The following PPP1R10 variants were observed in gnomAD, a reference collection of about 807,000 sequenced individuals.
PPP1R10 encodes protein phosphatase 1 regulatory subunit 10.
Under a neutral mutation model 99.0 loss-of-function variants are expected in PPP1R10, and 15 were observed. The ratio of observed to expected loss-of-function variants is 0.15; its 90% CI spans 0.10 to 0.23. PPP1R10 has a LOEUF of 0.23. Ranked by LOEUF, PPP1R10 falls within the 10% of genes least tolerant of loss-of-function variation. The pLI is 1.00. For synonymous variants in PPP1R10, 430 were observed against 449.5 expected (o/e 0.96, Z 0.55); for missense variants, 947 against 1,259.4 (o/e 0.75, Z 3.75).
intron 2 of PPP1R10, among the ~76,000 whole-genome samples, chr6:30,610,190 G>A (rs555184901): frequency 2.6e-5 from 4 of 152,158 alleles, no homozygotes; most frequent in Non-Finnish European, 5.9e-5. Flanking sequence ...AAAGCAATTC[G>A]ATTGGAGGAG....
rs1803791500 is a variant in PPP1R10 at position 30,605,100 on chromosome 6, AAAAG to A, written c.854-10_854-7del. ...AAAGCCCAGGCCCTCCATAGCTACA[AAAAG>A]AAAGAGCACCAAATGGCATCATCAG... On this transcript the variant is annotated splice_polypyrimidine_tract_variant and splice_region_variant and intron_variant, in intron 10 of 19. Coordinates refer to ENST00000376511, the MANE Select transcript of PPP1R10 (RefSeq NM_002714.4). 2 of 1,611,782 alleles carry A rather than the reference AAAAG, an allele frequency of 1.2e-6. No individual in the cohort carries two copies. Among genetic ancestry groups the A allele is most frequent in the Non-Finnish European group, 1.7e-6 (2 of 1,179,152 alleles).
Position 30,600,996 on chromosome 6 carries a change from G to GGGGGA in PPP1R10, c.*548_*552dup, listed in dbSNP as rs767421599. 1 of 153,220 alleles carries GGGGGA rather than the reference G, an allele frequency of 6.5e-6. No homozygotes were observed. Among genetic ancestry groups the GGGGGA allele is most frequent in the Non-Finnish European group, 1.5e-5 (1 of 68,464 alleles). The allele number at this position is 153,220 out of a possible 1,614,324, so 9.5% of individuals were successfully genotyped here. Reference sequence around the variant, plus strand: ...GGACTAAGAATGGTGAGCCCACGCTGGGGGAGGGGTGGGGATGATGTGTGT... The same window carrying GGGGGA: ...GGACTAAGAATGGTGAGCCCACGCTGGGGGAGGGGAGGGGTGGGGATGATGTGTGT... On this transcript the variant is annotated 3_prime_UTR_variant, in exon 20 of 20. Coordinates refer to ENST00000376511, the MANE Select transcript of PPP1R10 (RefSeq NM_002714.4).
rs1340471696 is a variant in PPP1R10 at position 30,604,961 on chromosome 6, C to CT, written c.954+32dup. 1 of 1,599,568 alleles carries CT rather than the reference C, an allele frequency of 6.3e-7. No individual in the cohort carries two copies. The highest frequency in any genetic ancestry group is 1.1e-5 in the South Asian group (1 of 90,794). On this transcript the variant is annotated intron_variant, in intron 11 of 19. Coordinates refer to ENST00000376511, the MANE Select transcript of PPP1R10 (RefSeq NM_002714.4). The surrounding 1 kb of genome is among the most constrained non-coding windows in gnomAD (Gnocchi z 7.3). ...TTTCTTCTACTTTACCTTTTATACTCTGTCACTGAAACCTACTTCTGGGAG... is the reference window on the plus strand; with the variant it reads ...TTTCTTCTACTTTACCTTTTATACTCTTGTCACTGAAACCTACTTCTGGGAG...
Position 30,606,307 on chromosome 6 carries a change from G to C in PPP1R10, c.635-64C>G. On this transcript the variant is annotated intron_variant, in intron 8 of 19. Coordinates refer to ENST00000376511, the MANE Select transcript of PPP1R10 (RefSeq NM_002714.4). This position sits in a 1 kb window ranked among gnomAD's most constrained non-coding sequence, Gnocchi z 6.3. The stretch of plus-strand genomic sequence containing the variant: ...CCCCAGACCCCCGAATTTTCCTCCC[G>C]TTCTCACCCGCAAATGTTCTTCTAG... The C allele has an allele frequency of 6.3e-7, 1 of 1,582,856 alleles. No individual in the cohort carries two copies. Among genetic ancestry groups the C allele is most frequent in the Non-Finnish European group, 8.6e-7 (1 of 1,157,438 alleles).
chr6:30,604,897 T>G lies in PPP1R10; in HGVS notation c.954+97A>C, dbSNP rs765318146. On this transcript the variant is annotated intron_variant, in intron 11 of 19. Transcript: ENST00000376511. This position sits in a 1 kb window ranked among gnomAD's most constrained non-coding sequence, Gnocchi z 7.3. Reference sequence around the variant, plus strand: ...CAGTCTATATCCAAGGCAAAACGCCTCTTGTTGTCCTCCCCGACAACTCCT... The same window carrying G: ...CAGTCTATATCCAAGGCAAAACGCCGCTTGTTGTCCTCCCCGACAACTCCT... 6.6e-7 allele frequency: 1 copy of G among 1,515,634 alleles called. No homozygotes were observed. Among genetic ancestry groups the G allele is most frequent in the African/African-American group, 1.4e-5 (1 of 72,918 alleles). The allele number at this position is 1,515,634 out of a possible 1,614,324, so 93.9% of individuals were successfully genotyped here.
chr6:30,612,276 C>T (rs1436229935), intron 2 of PPP1R10, among the ~76,000 whole-genome samples: 2 of 152,108 alleles, frequency 1.3e-5, no homozygotes, highest in Non-Finnish European at 2.9e-5. Flanking sequence ...TTTTGCATAT[C>T]CAACTACAAG....
In PPP1R10 at chr6:30,616,915, G is replaced by C. The variant is rs960889732; in HGVS notation, c.-449C>G. The C allele has an allele frequency of 4.6e-5, 7 of 152,234 alleles. No individual in the cohort carries two copies. The highest frequency in any genetic ancestry group is 1.7e-4 in the African/African-American group (7 of 41,410). The allele number at this position is 152,234 out of a possible 1,614,324, so 9.4% of individuals were successfully genotyped here. Reference sequence around the variant, plus strand: ...GTTTTCCCTTTCCCCCCTCTCTCAGGATCCTTTCAAGGGCTTAGATGTTGC... The same window carrying C: ...GTTTTCCCTTTCCCCCCTCTCTCAGCATCCTTTCAAGGGCTTAGATGTTGC... On this transcript the variant is annotated 5_prime_UTR_variant, in exon 2 of 20. In the 5' UTR this introduces an upstream ATG that the reference lacks. Coordinates refer to ENST00000376511, the MANE Select transcript of PPP1R10 (RefSeq NM_002714.4).
At chr6:30,601,721 C>T (rs1803335681) in intron 19 of PPP1R10, 63 bp from the exon 20 acceptor site, 1 of 1,464,930 alleles carries the variant, frequency 6.8e-7, no homozygotes, top group Admixed American at 1.8e-5. Context: ...ACCCTCACCA[C>T]CCCTTGTCCA....
At chr6:30,613,866 AAAAAC>A (rs765019995) in intron 2 of PPP1R10, among the ~76,000 whole-genome samples, 74 of 151,766 alleles carry the variant, frequency 4.9e-4, no homozygotes, top group African/African-American at 1.2e-3. Context: ...CTTAAAAGAA[AAAAAC>A]AAAACAAAAC....
At chr6:30,617,031 T>G (rs187294105) in intron 1 of PPP1R10, 33 bp from the exon 2 acceptor site, 1 of 152,388 alleles carries the variant, frequency 6.6e-6, no homozygotes, top group Admixed American at 6.5e-5. Flanking sequence ...GAGAAAGATG[T>G]AATCAGTACG....
intron 2 of PPP1R10, among the ~76,000 whole-genome samples, chr6:30,615,813 G>A (rs1041336441): frequency 2.6e-5 from 4 of 151,898 alleles, no homozygotes; most frequent in Admixed American, 6.6e-5. Context: ...GTATGTACTG[G>A]CACTAAGATT....
Position 30,601,524 on chromosome 6 carries a change from T to C in PPP1R10, c.*25A>G, listed in dbSNP as rs914623253. On this transcript the variant is annotated 3_prime_UTR_variant, in exon 20 of 20. Transcript: ENST00000376511. ...GCGAGGCTGCAGTCCACAGGGGTTG[T>C]GTGAACAGGGCAGGCAAATGGTCCC... 2 of 1,594,352 alleles carry C rather than the reference T, an allele frequency of 1.3e-6. No homozygotes were observed. Among genetic ancestry groups the C allele is most frequent in the Non-Finnish European group, 1.7e-6 (2 of 1,162,394 alleles).
rs1803659132 is a variant in PPP1R10 at position 30,604,037 on chromosome 6, G to A, written c.1479C>T (p.Ile493=). 2 of 1,607,842 alleles carry A rather than the reference G, an allele frequency of 1.2e-6. No homozygotes were observed. Among genetic ancestry groups the A allele is most frequent in the Non-Finnish European group, 1.7e-6 (2 of 1,176,552 alleles). ...CCTTGTTCAGGAAGAGCTCCTGAAGGATTCCCTTCTCCCGCTCAGCCTGGA... is the reference window on the plus strand; with the variant it reads ...CCTTGTTCAGGAAGAGCTCCTGAAGAATTCCCTTCTCCCGCTCAGCCTGGA... The part of the protein sequence containing the change: ...RYIQAEREKG[I]LQELFLNKES... Residue 493 remains isoleucine (I), a synonymous_variant, in exon 14 of 20, where the codon ATC becomes ATT. Transcript: ENST00000376511. This position sits in a 1 kb window ranked among gnomAD's most constrained non-coding sequence, Gnocchi z 7.3.
intron 15 of PPP1R10, 37 bp from the exon 16 acceptor site, chr6:30,603,703 CAG>C: frequency 1.9e-6 from 3 of 1,558,116 alleles, no homozygotes; most frequent in Non-Finnish European, 2.6e-6. Context: ...ATTGACAGAA[CAG>C]AGACATTCTC....
intron 19 of PPP1R10, 111 bp from the exon 20 acceptor site, chr6:30,601,769 G>A (rs1803340178): frequency 3.7e-6 from 5 of 1,334,158 alleles, no homozygotes; most frequent in Admixed American, 4.2e-5. Context: ...ACAATCTTGG[G>A]GATTTGGGGG....
At chr6:30,616,027 A>G (rs1352857433) in intron 2 of PPP1R10, among the ~76,000 whole-genome samples, 1 of 152,170 alleles carries the variant, frequency 6.6e-6, no homozygotes, top group Non-Finnish European at 1.5e-5. Context: ...GGCAAATTGA[A>G]AGGCACCCTG....
At chr6:30,605,768 G>A (rs1803868717) in intron 10 of PPP1R10, 155 bp downstream of exon 10, 4 of 719,894 alleles carry the variant, frequency 5.6e-6, no homozygotes, top group Non-Finnish European at 9.3e-6. Context: ...GCTGAGGCAG[G>A]AGAATGGCGT....
At position 30,606,155 on chromosome 6, in the gene PPP1R10, G is replaced by A. The variant is rs750743885; in HGVS notation, c.723C>T (p.Ile241=). 1.2e-5 allele frequency: 20 copies of A among 1,613,986 alleles called. No individual in the cohort carries two copies. In the Admixed American group the frequency reaches 2.2e-4, roughly 17 times the overall value. Residue 241 remains isoleucine (I), a synonymous_variant, in exon 9 of 20, where the codon ATC becomes ATT. Transcript: ENST00000376511. This position sits in a 1 kb window ranked among gnomAD's most constrained non-coding sequence, Gnocchi z 6.3. ...GTCCATACCTCTGACGTTTGAGGGG[G>A]ATGGGTTTAAGGTTGTACTTGTCAG... ...VVSDKYNLKP[I]PLKRQSNVAA... is the part of the protein sequence containing the mutation.
At chr6:30,611,024 A>G (rs1009362451) in intron 2 of PPP1R10, among the ~76,000 whole-genome samples, 2 of 152,210 alleles carry the variant, frequency 1.3e-5, no homozygotes, top group Non-Finnish European at 2.9e-5. Context: ...GACCCAAAAA[A>G]GAGGCTGGGT....
Sources: allele counts gnomAD v4.1 joint callset (sites outside exome capture counted in the v4.1 genomes callset), GRCh38; gene constraint gnomAD v4.1.1; non-coding constraint Gnocchi (gnomAD v3.1); transcripts MANE v1.5; gene names NCBI Gene and HGNC (gene_info 2026-07-23, HGNC 2026-07-21).